NLGN1: variants seen among roughly 807,000 people sequenced by gnomAD.
The protein encoded by NLGN1 is neuroligin-1.
Under a neutral mutation model 65.5 loss-of-function variants are expected in NLGN1, and 12 were observed. That is an observed-to-expected ratio of 0.18 (90% CI 0.12 to 0.30). The LOEUF is 0.30. NLGN1 is among the 10% of genes least tolerant of loss of function. NLGN1 has a pLI of 1.00. For synonymous variants in NLGN1, 350 were observed against 359.5 expected (o/e 0.97, Z 0.30); for missense variants, 750 against 1,007.1 (o/e 0.74, Z 3.46).
At chr3:173,716,215 G>A (rs1274254248) in intron 3 of NLGN1, among the ~76,000 whole-genome samples, 1 of 152,098 alleles carries the variant, frequency 6.6e-6, no homozygotes, top group Non-Finnish European at 1.5e-5. Context: ...ATCTTTACAA[G>A]CATTTCTAAT....
intron 4 of NLGN1, among the ~76,000 whole-genome samples, chr3:174,099,350 A>T (rs1711868206): frequency 6.6e-6 from 1 of 152,200 alleles, no homozygotes; most frequent in Non-Finnish European, 1.5e-5. Context: ...GCTGCTGTAG[A>T]TAACATGCAT....
chr3:173,632,643 G>T (rs774018999), intron 3 of NLGN1, among the ~76,000 whole-genome samples: 43 of 152,214 alleles, frequency 2.8e-4, no homozygotes, highest in Non-Finnish European at 5.9e-4. Flanking sequence ...AATACCAGCT[G>T]GGTGCTCAAA....
At chr3:174,180,073 C>G (rs767363413) in intron 4 of NLGN1, among the ~76,000 whole-genome samples, 4 of 152,072 alleles carry the variant, frequency 2.6e-5, no homozygotes, top group Non-Finnish European at 5.9e-5. Flanking sequence ...ACTATTTATG[C>G]CCCTAGCTGC....
At chr3:174,214,936 TTACATTATTGC>T (rs1485604892) in intron 4 of NLGN1, among the ~76,000 whole-genome samples, 2 of 152,128 alleles carry the variant, frequency 1.3e-5, no homozygotes, top group Non-Finnish European at 2.9e-5. Context: ...TTTTGGTTAG[TTACATTATTGC>T]TACCCAGAAT....
At chr3:173,611,810 C>A (rs956754639) in intron 3 of NLGN1, among the ~76,000 whole-genome samples, 16 of 151,964 alleles carry the variant, frequency 1.1e-4, no homozygotes, top group African/African-American at 2.9e-4. Context: ...AGAATAAATA[C>A]TTTTTTTCTT....
chr3:174,263,879 G>A (rs1747462706), intron 4 of NLGN1, among the ~76,000 whole-genome samples: 1 of 150,330 alleles, frequency 6.7e-6, no homozygotes, highest in Non-Finnish European at 1.5e-5. Context: ...GGCAGGCCTG[G>A]TGGTGACAAA....
At chr3:174,142,540 G>C (rs1722492298) in intron 4 of NLGN1, among the ~76,000 whole-genome samples, 2 of 152,110 alleles carry the variant, frequency 1.3e-5, no homozygotes, top group Admixed American at 6.6e-5. Flanking sequence ...CAGCAGTACT[G>C]ATTTACAGTA....
At chr3:174,102,263 G>C (rs544730793) in intron 4 of NLGN1, among the ~76,000 whole-genome samples, 1 of 151,780 alleles carries the variant, frequency 6.6e-6, no homozygotes, top group East Asian at 1.9e-4. Context: ...ATTCACACAT[G>C]GGGGGGTATA....
At chr3:173,780,011 G>A (rs1578394134) in intron 3 of NLGN1, among the ~76,000 whole-genome samples, 1 of 152,108 alleles carries the variant, frequency 6.6e-6, no homozygotes, top group East Asian at 1.9e-4. Flanking sequence ...CAAGGTCTGT[G>A]AGTCAGAGAA....
intron 4 of NLGN1, among the ~76,000 whole-genome samples, chr3:173,855,119 T>C (rs1389673861): frequency 6.6e-6 from 1 of 152,022 alleles, no homozygotes; most frequent in Non-Finnish European, 1.5e-5. Flanking sequence ...TTTGACAAAA[T>C]GTAGGTAAAT....
chr3:173,714,884 A>G (rs1769587609), intron 3 of NLGN1, among the ~76,000 whole-genome samples: 1 of 152,088 alleles, frequency 6.6e-6, no homozygotes, highest in Non-Finnish European at 1.5e-5. Context: ...AGTGTTAGGG[A>G]GGTTAGACTT....
At chr3:173,871,658 C>A (rs967040881) in intron 4 of NLGN1, among the ~76,000 whole-genome samples, 3 of 152,186 alleles carry the variant, frequency 2.0e-5, no homozygotes, top group African/African-American at 7.2e-5. Flanking sequence ...AACCCAGAAA[C>A]TGTACAACAA....
chr3:173,636,113 C>T (rs1756543006), intron 3 of NLGN1, among the ~76,000 whole-genome samples: 2 of 152,028 alleles, frequency 1.3e-5, no homozygotes, highest in African/African-American at 2.4e-5. Context: ...AAGAAAAGAA[C>T]TTAACGATGG....
chr3:173,467,725 A>T, intron 2 of NLGN1, among the ~76,000 whole-genome samples: 1 of 152,148 alleles, frequency 6.6e-6, no homozygotes, highest in East Asian at 1.9e-4. Context: ...TTTAGTAAAT[A>T]ACTAGGTCAA....
At chr3:174,058,619 T>A (rs1040536340) in intron 4 of NLGN1, among the ~76,000 whole-genome samples, 1 of 152,090 alleles carries the variant, frequency 6.6e-6, no homozygotes, top group Non-Finnish European at 1.5e-5. Flanking sequence ...AGAATTTGTA[T>A]CATAAATCAA....
chr3:173,688,349 A>C (rs990102399), intron 3 of NLGN1, among the ~76,000 whole-genome samples: 7 of 152,156 alleles, frequency 4.6e-5, no homozygotes, highest in Non-Finnish European at 1.0e-4. Context: ...TCCTAAGGGA[A>C]GTAAGTTTCA....
intron 4 of NLGN1, among the ~76,000 whole-genome samples, chr3:174,266,313 G>A (rs549957867): frequency 3.1e-4 from 47 of 152,186 alleles, no homozygotes; most frequent in Middle Eastern, 3.4e-3. Context: ...GCAGTATTCT[G>A]TTTTCTGCTC....
chr3:173,632,849 GTT>G (rs5854526), intron 3 of NLGN1, among the ~76,000 whole-genome samples: 6,446 of 116,352 alleles, frequency 0.055, 344 homozygotes, highest in African/African-American at 0.13. Context: ...TTTTTTTTTT[GTT>G]TTTTTTTTTT....
At chr3:173,759,994 A>G (rs1777728044) in intron 3 of NLGN1, among the ~76,000 whole-genome samples, 1 of 151,926 alleles carries the variant, frequency 6.6e-6, no homozygotes, top group Non-Finnish European at 1.5e-5. Flanking sequence ...TTACTAAATT[A>G]GACCATCCTT....
Sources: gnomAD v4.1 joint callset for allele counts (sites outside exome capture counted in the v4.1 genomes callset) on GRCh38, gnomAD v4.1.1 for gene constraint, MANE v1.5 for transcripts, NCBI Gene and HGNC (gene_info 2026-07-23, HGNC 2026-07-21) for gene names.